Variants in MEGF9 observed in about 807,000 individuals in gnomAD.
MEGF9 encodes the protein multiple EGF like domains 9, also known as multiple epidermal growth factor-like domains protein 9.
MEGF9 carries 6 observed loss-of-function variants against 46.8 expected under a neutral mutation model. The observed-to-expected ratio is 0.13, with a 90% CI of 0.07 to 0.25. MEGF9 has a LOEUF of 0.25. Among genes scored for constraint, MEGF9 ranks in the 10% least tolerant of loss-of-function variants. MEGF9 has a pLI of 1.00. For missense variants in MEGF9, 683 were observed against 792.4 expected (o/e 0.86, Z 1.66); for synonymous variants, 302 against 330.7 (o/e 0.91, Z 0.94).
chr9:120,687,194 T>C (rs2043826532), intron 1 of MEGF9, among the ~76,000 whole-genome samples: 1 of 152,198 alleles, frequency 6.6e-6, no homozygotes, highest in Non-Finnish European at 1.5e-5. Context: ...TTGTATAACC[T>C]CTTCAGAGAA....
intron 2 of MEGF9, among the ~76,000 whole-genome samples, chr9:120,646,394 C>A (rs115247301): frequency 0.012 from 1,822 of 152,266 alleles, 28 homozygotes; most frequent in African/African-American, 0.042. Context: ...ACAGGACTTA[C>A]CAGACTCATC....
rs1174465170 is a variant in MEGF9, at chr9:120,607,996, C to T, written c.1102G>A (p.Glu368Lys). 1.2e-6 allele frequency: 2 copies of T among 1,613,798 alleles called. No individual in the cohort carries two copies. Among genetic ancestry groups the T allele is most frequent in the East Asian group, 2.2e-5 (1 of 44,880 alleles). The change falls in exon 5 of 6, where the codon GAA (glutamate) becomes AAA (lysine). Residue 368 changes from glutamate (E) to lysine (K), a missense_variant. Transcript: ENST00000373930. The part of the protein sequence containing the change: ...GSCSIKSSEL[E>K]PECDQCKDGY... Reference sequence around the variant, plus strand: ...TCTTTACACTGGTCACATTCAGGTTCCAATTCACTCGATTCTAAAAGAGAG... The same window carrying T: ...TCTTTACACTGGTCACATTCAGGTTTCAATTCACTCGATTCTAAAAGAGAG...
At chr9:120,606,526 A>G (rs568749354) in intron 5 of MEGF9, among the ~76,000 whole-genome samples, 1 of 152,330 alleles carries the variant, frequency 6.6e-6, no homozygotes, top group South Asian at 2.1e-4. Context: ...TCCTTTGTGT[A>G]GATTACAGCT....
rs572613293 is a variant in MEGF9 at position 120,611,865 on chromosome 9, A to AGAAAGAGAG, written c.1087+530_1087+531insCTCTCTTTC. On this transcript the variant is annotated intron_variant, in intron 4 of 5. Transcript: ENST00000373930. ...GAAGGAAGGAAGGAAGGAAGGAAGA[A>AGAAAGAGAG]AGAGAGAGAGAGAGAGAGAGAAAGA... 2.4e-3 allele frequency among the ~76,000 whole-genome samples: 326 copies of AGAAAGAGAG among 137,176 alleles called. 4 individuals are homozygous for AGAAAGAGAG. Among genetic ancestry groups the AGAAAGAGAG allele is most frequent in the African/African-American group, 9.0e-3 (306 of 33,912 alleles). 90.0% of individuals were successfully genotyped at this position (137,176 alleles called of 152,430 possible). A position where few individuals can be genotyped will look rare whatever the true frequency, so the allele number is the denominator to read the frequency against.
intron 2 of MEGF9, among the ~76,000 whole-genome samples, chr9:120,645,510 G>C (rs2043621948): frequency 6.6e-6 from 1 of 152,136 alleles, no homozygotes; most frequent in Admixed American, 6.5e-5. Flanking sequence ...AGAAACAGTA[G>C]GATTAGTGAA....
intron 1 of MEGF9, among the ~76,000 whole-genome samples, chr9:120,666,124 T>C (rs753979243): frequency 3.9e-5 from 6 of 152,230 alleles, no homozygotes; most frequent in Non-Finnish European, 8.8e-5. Flanking sequence ...CTGTGAAGAA[T>C]ATCATTGATA....
chr9:120,705,907 TA>T (rs2043927031), intron 1 of MEGF9, among the ~76,000 whole-genome samples: 1 of 151,818 alleles, frequency 6.6e-6, no homozygotes, highest in Admixed American at 6.6e-5. Context: ...TAAGGATTTT[TA>T]TATCACACCT....
intron 1 of MEGF9, among the ~76,000 whole-genome samples, chr9:120,667,495 A>C (rs917439013): frequency 1.3e-5 from 2 of 152,182 alleles, no homozygotes; most frequent in Admixed American, 6.5e-5. Context: ...TTTCAGATTG[A>C]TCATTAAAAA....
chr9:120,676,971 C>T (rs2043775839), intron 1 of MEGF9, among the ~76,000 whole-genome samples: 3 of 152,166 alleles, frequency 2.0e-5, no homozygotes, highest in Non-Finnish European at 4.4e-5. Flanking sequence ...ACATTCACAT[C>T]CAGGTTTATC....
chr9:120,639,491 G>C (rs1258743452), intron 2 of MEGF9, among the ~76,000 whole-genome samples: 6 of 132,860 alleles, frequency 4.5e-5, no homozygotes, highest in African/African-American at 1.7e-4. Context: ...CTGGGTGACA[G>C]AGTGAGACTC....
intron 2 of MEGF9, 21 bp downstream of exon 2, chr9:120,659,353 G>C: frequency 6.2e-7 from 1 of 1,605,516 alleles, no homozygotes; most frequent in Non-Finnish European, 8.5e-7. Context: ...ATAAACTTCA[G>C]TTCCACCCTC....
chr9:120,710,032 CAAA>C (rs56208944), intron 1 of MEGF9, among the ~76,000 whole-genome samples: 9 of 97,872 alleles, frequency 9.2e-5, no homozygotes, highest in East Asian at 3.1e-4. Flanking sequence ...AACTCCGTCT[CAAA>C]AAAAAAAAAA....
At chr9:120,619,106 G>A (rs2043486500) in intron 3 of MEGF9, among the ~76,000 whole-genome samples, 1 of 151,908 alleles carries the variant, frequency 6.6e-6, no homozygotes, top group South Asian at 2.1e-4. Context: ...ACCACTTTAG[G>A]AGGCCGAGGC....
chr9:120,655,861 A>G (rs992003014), intron 2 of MEGF9, among the ~76,000 whole-genome samples: 7 of 152,210 alleles, frequency 4.6e-5, no homozygotes, highest in Non-Finnish European at 2.9e-5. Context: ...CACCTTTCAA[A>G]TTGTTGACAT....
chr9:120,636,853 G>T (rs2043578752), intron 2 of MEGF9, among the ~76,000 whole-genome samples: 1 of 119,418 alleles, frequency 8.4e-6, no homozygotes, highest in Non-Finnish European at 2.0e-5. Flanking sequence ...CCGTCTGGGG[G>T]GTGGGGGGGC....
chr9:120,672,771 C>A (rs1466025688), intron 1 of MEGF9, among the ~76,000 whole-genome samples: 1 of 152,132 alleles, frequency 6.6e-6, no homozygotes, highest in Admixed American at 6.5e-5. Context: ...TGCCTGTAAT[C>A]CCAGCACTTT....
At chr9:120,626,178 A>C (rs1032041356) in intron 2 of MEGF9, among the ~76,000 whole-genome samples, 1 of 152,216 alleles carries the variant, frequency 6.6e-6, no homozygotes, top group Non-Finnish European at 1.5e-5. Context: ...AATTTAAGAT[A>C]AAATTTGCTT....
intron 2 of MEGF9, among the ~76,000 whole-genome samples, chr9:120,634,444 A>ATATTTTTTTTTTT (rs1564416834): frequency 1.6e-5 from 1 of 60,846 alleles, no homozygotes. Context: ...TGTGTGGAAT[A>ATATTTTTTTTTTT]TCTTTTTTTT....
intron 2 of MEGF9, among the ~76,000 whole-genome samples, chr9:120,645,098 C>T (rs1250895074): frequency 6.6e-6 from 1 of 152,192 alleles, no homozygotes; most frequent in Non-Finnish European, 1.5e-5. Flanking sequence ...ACAGGCCCTA[C>T]TGTCCTGAGA....
Sources: gnomAD v4.1 joint callset for allele counts (sites outside exome capture counted in the v4.1 genomes callset) on GRCh38, gnomAD v4.1.1 for gene constraint, MANE v1.5 for transcripts, NCBI Gene and HGNC (gene_info 2026-07-23, HGNC 2026-07-21) for gene names.